The following GALNT10 variants were observed in gnomAD, a reference collection of about 807,000 sequenced individuals.
GALNT10 encodes the protein polypeptide N-acetylgalactosaminyltransferase 10, also known as GalNAc transferase 10.
A neutral mutation model predicts 75.0 loss-of-function variants in GALNT10; 41 were observed. That is an observed-to-expected ratio of 0.55 (90% confidence interval 0.43 to 0.71). The LOEUF (loss-of-function observed/expected upper bound fraction) is 0.71, where lower values mean the gene tolerates loss of function less well. GALNT10 is among the 30% of genes least tolerant of loss of function. GALNT10 has a pLI of 0.00. For synonymous variants in GALNT10, 302 were observed against 313.0 expected, an observed-to-expected ratio of 0.96 and a Z score of 0.37; for missense variants, 727 against 818.5, an observed-to-expected ratio of 0.89 and a Z score of 1.36.
At chr5:154,316,447 T>C (rs1561659156) in intron 3 of GALNT10, among the ~76,000 whole-genome samples, 1 of 152,222 alleles carries the variant, frequency 6.6e-6, no homozygotes, top group Non-Finnish European at 1.5e-5. Context: ...ATTCATGGCG[T>C]GCTTGTTGAT....
At chr5:154,405,585 T>C (rs1209865792) in intron 8 of GALNT10, among the ~76,000 whole-genome samples, 2 of 151,876 alleles carry the variant, frequency 1.3e-5, no homozygotes, top group African/African-American at 4.8e-5. Flanking sequence ...AGACTGAGAC[T>C]CTTCCGGCTA....
At chr5:154,278,069 C>T (rs57927482) in intron 1 of GALNT10, among the ~76,000 whole-genome samples, 2,346 of 152,264 alleles carry the variant, frequency 0.015, 65 homozygotes, top group African/African-American at 0.053. Flanking sequence ...AGATGGGTGA[C>T]GGATGCTTCA....
At position 154,419,206 on chromosome 5, in the gene GALNT10, G is replaced by A. The variant is rs1756580929; in HGVS notation, c.*2234G>A. On this transcript the variant is annotated 3_prime_UTR_variant, in exon 12 of 12. Coordinates refer to ENST00000297107, the MANE Select transcript of GALNT10 (RefSeq NM_198321.4). ...TCTGAGACTGAGATGTCCCCCAAGGGTGACAGGTCAGATTTATTTCAGTCA... is the reference window on the plus strand; with the variant it reads ...TCTGAGACTGAGATGTCCCCCAAGGATGACAGGTCAGATTTATTTCAGTCA... 6.6e-6 allele frequency: 1 copy of A among 151,802 alleles called. No homozygotes were observed. Among genetic ancestry groups the A allele is most frequent in the Non-Finnish European group, 1.5e-5 (1 of 67,994 alleles). The allele number at this position is 151,802 out of a possible 1,614,324, so 9.4% of individuals were successfully genotyped here.
chr5:154,401,722 C>G (rs1271604062), intron 7 of GALNT10, among the ~76,000 whole-genome samples: 3 of 152,110 alleles, frequency 2.0e-5, no homozygotes, highest in African/African-American at 7.2e-5. Context: ...TACATCAGGG[C>G]TGGGGATGGA....
At chr5:154,312,326 A>G (rs926353212) in intron 3 of GALNT10, among the ~76,000 whole-genome samples, 2 of 152,174 alleles carry the variant, frequency 1.3e-5, no homozygotes, top group African/African-American at 4.8e-5. Context: ...CACACCTTTC[A>G]GGGGAAGAAA....
At chr5:154,244,425 A>G (rs1485022898) in intron 1 of GALNT10, among the ~76,000 whole-genome samples, 1 of 152,120 alleles carries the variant, frequency 6.6e-6, no homozygotes, top group Admixed American at 6.5e-5. Flanking sequence ...TTAATTAAAA[A>G]AAAAAGAATT....
rs539042752 is a variant in GALNT10 at position 154,256,373 on chromosome 5, G to T, written c.160-38443G>T. Among the ~76,000 whole-genome samples, 68 of 147,794 alleles carry T rather than the reference G, an allele frequency of 4.6e-4. 1 individual carries two copies. In the South Asian group the frequency reaches 0.011, roughly 25 times the overall value. ...TTTTTGTTTTTTTTTTTTTAATATTGTGTGTGGTCCCTTATAGATGGATGA... is the reference window on the plus strand; with the variant it reads ...TTTTTGTTTTTTTTTTTTTAATATTTTGTGTGGTCCCTTATAGATGGATGA... On this transcript the variant is annotated intron_variant, in intron 1 of 11. Transcript: ENST00000297107.
intron 1 of GALNT10, among the ~76,000 whole-genome samples, chr5:154,262,720 G>A (rs1753717272): frequency 6.6e-6 from 1 of 152,160 alleles, no homozygotes; most frequent in Non-Finnish European, 1.5e-5. Context: ...TTATCTCCCT[G>A]GAGGCTGCAC....
chr5:154,210,406 A>C (rs1581919763), intron 1 of GALNT10, among the ~76,000 whole-genome samples: 1 of 151,958 alleles, frequency 6.6e-6, no homozygotes, highest in South Asian at 2.1e-4. Flanking sequence ...ACACACACAC[A>C]CACACACAGT....
intron 1 of GALNT10, among the ~76,000 whole-genome samples, chr5:154,230,966 T>C (rs1753141517): frequency 6.6e-6 from 1 of 152,238 alleles, no homozygotes; most frequent in Non-Finnish European, 1.5e-5. Context: ...TTCACAGAGA[T>C]GGCAAGGCAT....
chr5:154,322,859 C>G (rs927651905), intron 3 of GALNT10, among the ~76,000 whole-genome samples: 1 of 152,172 alleles, frequency 6.6e-6, no homozygotes, highest in East Asian at 1.9e-4. Flanking sequence ...TCAAGAGATA[C>G]GGAGACAAAA....
intron 1 of GALNT10, among the ~76,000 whole-genome samples, chr5:154,210,097 A>G (rs1475892979): frequency 6.6e-6 from 1 of 152,214 alleles, no homozygotes; most frequent in Non-Finnish European, 1.5e-5. Context: ...CTCTCCATGC[A>G]GCAGTCAGAG....
At chr5:154,338,482 C>T in intron 4 of GALNT10, 1 of 252,220 alleles carries the variant, frequency 4.0e-6, no homozygotes, top group Non-Finnish European at 7.8e-6. Context: ...TTTAATGGTG[C>T]TTCCTCAGTG....
In GALNT10 at chr5:154,190,905, G is replaced by A. The variant is rs770481366; in HGVS notation, c.39G>A (p.Ala13=). The stretch of plus-strand genomic sequence containing the variant: ...AGAAGCGGCTCCTGCAGGCGGTGGC[G>A]CTGGTGCTGGCGGCCCTGGTCCTCC... The part of the protein sequence containing the change: ...RKEKRLLQAV[A]LVLAALVLLP... Residue 13 remains alanine (A), a synonymous_variant, in exon 1 of 12, where the codon GCG becomes GCA. Coordinates refer to ENST00000297107, the MANE Select transcript of GALNT10 (RefSeq NM_198321.4). 3.4e-6 allele frequency: 5 copies of A among 1,471,926 alleles called. No individual in the cohort carries two copies. Among genetic ancestry groups the A allele is most frequent in the Non-Finnish European group, 4.5e-6 (5 of 1,109,594 alleles). The allele number at this position is 1,471,926 out of a possible 1,614,324, so 91.2% of individuals were successfully genotyped here. A position where few individuals can be genotyped will look rare whatever the true frequency, so the allele number is the denominator to read the frequency against.
At chr5:154,345,031 C>A (rs1010730691) in intron 4 of GALNT10, among the ~76,000 whole-genome samples, 1 of 152,210 alleles carries the variant, frequency 6.6e-6, no homozygotes, top group African/African-American at 2.4e-5. Context: ...GAACTGTCCA[C>A]GTGCTCAGAA....
At chr5:154,322,215 C>T (rs1005976905) in intron 3 of GALNT10, among the ~76,000 whole-genome samples, 2 of 152,096 alleles carry the variant, frequency 1.3e-5, no homozygotes, top group Non-Finnish European at 2.9e-5. Flanking sequence ...GGGAACGTTG[C>T]TTGTCTGGGT....
chr5:154,246,487 T>G (rs1172374485), intron 1 of GALNT10, among the ~76,000 whole-genome samples: 3 of 152,244 alleles, frequency 2.0e-5, no homozygotes, highest in Non-Finnish European at 2.9e-5. Context: ...CCTGACTTTT[T>G]AATGATTGCC....
chr5:154,255,011 A>G (rs1344893139), intron 1 of GALNT10, among the ~76,000 whole-genome samples: 2 of 152,066 alleles, frequency 1.3e-5, no homozygotes, highest in Admixed American at 1.3e-4. Context: ...TTTTAGAGAC[A>G]AGGTCTCACT....
intron 7 of GALNT10, among the ~76,000 whole-genome samples, chr5:154,390,506 C>T (rs545156580): frequency 1.3e-5 from 2 of 152,210 alleles, no homozygotes; most frequent in Non-Finnish European, 2.9e-5. Flanking sequence ...TAAAAGCCTC[C>T]TCCCAGGCTA....
Sources: gnomAD v4.1 joint callset for allele counts (sites outside exome capture counted in the v4.1 genomes callset) on GRCh38, gnomAD v4.1.1 for gene constraint, MANE v1.5 for transcripts, NCBI Gene and HGNC (gene_info 2026-07-23, HGNC 2026-07-21) for gene names.